ADD3: variants seen among roughly 807,000 people sequenced by gnomAD.
ADD3 encodes the protein adducin 3.
ADD3 carries 25 observed loss-of-function variants against 80.2 expected under a neutral mutation model. That is an observed-to-expected ratio of 0.31 (90% CI 0.23 to 0.44). The LOEUF is 0.44. Among genes scored for constraint, ADD3 ranks in the 20% least tolerant of loss-of-function variants. ADD3 has a pLI of 1.00. For synonymous variants in ADD3, 284 were observed against 289.6 expected, an observed-to-expected ratio of 0.98 and a Z score of 0.20; for missense variants, 829 against 847.5, an observed-to-expected ratio of 0.98 and a Z score of 0.27.
chr10:110,100,901 T>TA (rs1345454435), intron 2 of ADD3, 53 bp downstream of exon 2: 4 of 1,493,102 alleles, frequency 2.7e-6, no homozygotes, highest in Non-Finnish European at 3.6e-6. Context: ...AATGTTAGTA[T>TA]AATAAGGTAG....
At chr10:110,114,919 C>G (rs1339520687) in intron 3 of ADD3, among the ~76,000 whole-genome samples, 1 of 150,672 alleles carries the variant, frequency 6.6e-6, no homozygotes, top group Non-Finnish European at 1.5e-5. Flanking sequence ...CTCCACTAAA[C>G]AAATTAAAAA....
intron 1 of ADD3, among the ~76,000 whole-genome samples, chr10:110,083,250 G>A (rs145902798): frequency 6.6e-6 from 1 of 152,270 alleles, no homozygotes; most frequent in Non-Finnish European, 1.5e-5. Context: ...TTCAAAGTAT[G>A]GACAAATATT....
intron 9 of ADD3, among the ~76,000 whole-genome samples, chr10:110,123,152 A>T (rs1224106787): frequency 6.6e-6 from 1 of 152,206 alleles, no homozygotes; most frequent in Admixed American, 6.5e-5. Context: ...TATCTTGGCT[A>T]TTGTGAATAA....
chr10:110,102,590 G>A (rs149353186), intron 2 of ADD3, among the ~76,000 whole-genome samples: 24 of 152,276 alleles, frequency 1.6e-4, no homozygotes, highest in African/African-American at 5.8e-4. Context: ...CTGGGTGACA[G>A]GGCAAGACCC....
At chr10:110,051,438 T>C (rs1356821001) in intron 1 of ADD3, among the ~76,000 whole-genome samples, 2 of 152,230 alleles carry the variant, frequency 1.3e-5, no homozygotes, top group Admixed American at 6.5e-5. Flanking sequence ...ACAAAATTTA[T>C]ATAAATATTT....
chr10:110,015,834 C>T (rs1185861100), intron 1 of ADD3, among the ~76,000 whole-genome samples: 2 of 152,064 alleles, frequency 1.3e-5, no homozygotes, highest in Non-Finnish European at 2.9e-5. Context: ...GTAAAACATG[C>T]GATAGACAAG....
intron 1 of ADD3, among the ~76,000 whole-genome samples, chr10:110,014,297 C>T (rs1190150800): frequency 6.6e-6 from 1 of 152,132 alleles, no homozygotes; most frequent in Admixed American, 6.5e-5. Context: ...CTTTTAATAT[C>T]TAAGGAGGTG....
intron 12 of ADD3, among the ~76,000 whole-genome samples, chr10:110,129,004 A>G (rs1318174977): frequency 6.6e-6 from 1 of 152,146 alleles, no homozygotes; most frequent in African/African-American, 2.4e-5. Context: ...GAATCCCCAA[A>G]CATTATTCTC....
At position 110,067,620 on chromosome 10, in the gene ADD3, G is replaced by A. The variant is rs79772163; in HGVS notation, c.-29-33005G>A. Among the ~76,000 whole-genome samples the A allele has an allele frequency of 5.0e-4, 76 of 152,276 alleles. 3 individuals carry two copies. The East Asian group carries it at 0.015, about 29-fold the overall frequency. ...TCTATAAGCTGCCATATTTAAAGTTGGAGTGAGGAAGAACCTTACACTGAT... is the reference window on the plus strand; with the variant it reads ...TCTATAAGCTGCCATATTTAAAGTTAGAGTGAGGAAGAACCTTACACTGAT... On this transcript the variant is annotated intron_variant, in intron 1 of 14. Coordinates refer to ENST00000356080, the MANE Select transcript of ADD3 (RefSeq NM_016824.5).
chr10:110,045,201 A>G (rs1488391483), intron 1 of ADD3, among the ~76,000 whole-genome samples: 1 of 152,080 alleles, frequency 6.6e-6, no homozygotes, highest in Non-Finnish European at 1.5e-5. Flanking sequence ...TAAAAATACA[A>G]AAATTAGCTG....
intron 1 of ADD3, among the ~76,000 whole-genome samples, chr10:110,086,392 G>C (rs1251505535): frequency 3.3e-5 from 5 of 152,136 alleles, no homozygotes; most frequent in Non-Finnish European, 1.5e-5. Flanking sequence ...CCTGGGGACA[G>C]AGTGAGACTC....
In ADD3 at chr10:110,070,984, G is replaced by C. The variant is rs1457038177; in HGVS notation, c.-29-29641G>C. Among the ~76,000 whole-genome samples the C allele has an allele frequency of 2.6e-4, 23 of 87,026 alleles. No homozygotes were observed. The East Asian group carries it at 2.8e-3, about 11-fold the overall frequency. The allele number at this position is 87,026 out of a possible 152,430, so 57.1% of individuals were successfully genotyped here. ...GTTTTTAGTTTTTTGTTGTTTTTGG[G>C]GGGGGGGGGTGGGGAGCCAGCTTTG... On this transcript the variant is annotated intron_variant, in intron 1 of 14. Transcript: ENST00000356080.
intron 1 of ADD3, among the ~76,000 whole-genome samples, chr10:110,023,535 T>C (rs59481827): frequency 0.082 from 12,501 of 152,190 alleles, 1,648 homozygotes; most frequent in African/African-American, 0.28. Flanking sequence ...TGAAGAAATA[T>C]ATAGTCACTG....
chr10:110,003,819 G>T (rs2132864581), upstream of ADD3, among the ~76,000 whole-genome samples: 1 of 152,314 alleles, frequency 6.6e-6, no homozygotes. Context: ...CTACAGAAAA[G>T]AGATTGTTTC....
At chr10:110,058,592 A>C (rs1029674897) in intron 1 of ADD3, among the ~76,000 whole-genome samples, 20 of 152,314 alleles carry the variant, frequency 1.3e-4, no homozygotes, top group African/African-American at 4.3e-4. Context: ...TGTAAAGGGT[A>C]AGCTGGGAAA....
At chr10:110,037,815 C>G (rs1855841022) in intron 1 of ADD3, among the ~76,000 whole-genome samples, 1 of 151,350 alleles carries the variant, frequency 6.6e-6, no homozygotes, top group Non-Finnish European at 1.5e-5. Flanking sequence ...GCCTGTAATC[C>G]CAGCACTTTG....
intron 3 of ADD3, among the ~76,000 whole-genome samples, chr10:110,115,338 G>A (rs1191338701): frequency 2.0e-5 from 3 of 152,032 alleles, no homozygotes; most frequent in East Asian, 3.9e-4. Flanking sequence ...GCAGTGAGCC[G>A]AGATCGTACC....
chr10:110,053,589 C>T lies in ADD3; in HGVS notation c.-30+45290C>T, dbSNP rs1051348781. ...GTTATAAATTTGTTTTTATAGCTTG[C>T]TTTTGTTCATTTTTTTAACTTTAAA... On this transcript the variant is annotated intron_variant, in intron 1 of 14. Transcript: ENST00000356080. 4.6e-5 allele frequency among the ~76,000 whole-genome samples: 7 copies of T among 152,044 alleles called. 1 individual carries two copies. The highest frequency in any genetic ancestry group is 3.9e-4 in the East Asian group (2 of 5,176).
At position 110,133,311 on chromosome 10, in the gene ADD3, C is replaced by A; in HGVS notation, c.1829-15C>A. The A allele has an allele frequency of 1.3e-6, 2 of 1,552,886 alleles. No individual in the cohort carries two copies. Among genetic ancestry groups the A allele is most frequent in the Non-Finnish European group, 1.7e-6 (2 of 1,144,848 alleles). On this transcript the variant is annotated splice_polypyrimidine_tract_variant and intron_variant, in intron 14 of 14. Coordinates refer to ENST00000356080, the MANE Select transcript of ADD3 (RefSeq NM_016824.5). ...GTATGTAAAATAACCCCCAAAAAAC[C>A]CTCCCCTTTCGTAGAAAACCATGAG...
Sources: allele counts gnomAD v4.1 joint callset (sites outside exome capture counted in the v4.1 genomes callset), GRCh38; gene constraint gnomAD v4.1.1; transcripts MANE v1.5; gene names NCBI Gene and HGNC (gene_info 2026-07-23, HGNC 2026-07-21).